RPAP2: variants seen among roughly 807,000 people sequenced by gnomAD.
RPAP2 encodes the protein putative RNA polymerase II subunit B1 CTD phosphatase RPAP2.
In RPAP2, 52 loss-of-function variants were observed where a neutral mutation model predicts 73.1. The ratio of observed to expected loss-of-function variants is 0.71; its 90% CI spans 0.57 to 0.90. The LOEUF is 0.90. Ranked by LOEUF, RPAP2 falls within the 40% of genes least tolerant of loss-of-function variation. The pLI, the probability that RPAP2 is intolerant of heterozygous loss-of-function variation, is 0.00. For synonymous variants in RPAP2, 225 were observed against 242.1 expected (o/e 0.93, Z 0.65); for missense variants, 598 against 701.8 (o/e 0.85, Z 1.67).
intron 11 of RPAP2, among the ~76,000 whole-genome samples, chr1:92,355,527 T>G (rs974459561): frequency 6.6e-6 from 1 of 152,212 alleles, no homozygotes. Context: ...TGTCCAAGTG[T>G]TATACTTTGT....
At chr1:92,349,460 TG>T (rs1654087620) in intron 11 of RPAP2, among the ~76,000 whole-genome samples, 1 of 152,170 alleles carries the variant, frequency 6.6e-6, no homozygotes, top group Non-Finnish European at 1.5e-5. Context: ...GTCTAACTCT[TG>T]TTAAAGGGGG....
chr1:92,385,173 CA>C (rs10708018), intron 12 of RPAP2, among the ~76,000 whole-genome samples: 97,313 of 123,002 alleles, frequency 0.79, 37,475 homozygotes, highest in East Asian at 0.98. Context: ...GACCCTGTCT[CA>C]AAAAAAAAAA....
intron 11 of RPAP2, among the ~76,000 whole-genome samples, chr1:92,370,402 T>G (rs2101417710): frequency 6.6e-6 from 1 of 152,218 alleles, no homozygotes; most frequent in Admixed American, 6.5e-5. Context: ...AGACTTGGAA[T>G]TAACTGAGAA....
intron 8 of RPAP2, among the ~76,000 whole-genome samples, chr1:92,331,767 T>G (rs1008756252): frequency 6.6e-6 from 1 of 152,168 alleles, no homozygotes; most frequent in Admixed American, 6.5e-5. Flanking sequence ...CTATCCCCAT[T>G]CTTCCATCTG....
chr1:92,356,788 C>T (rs938047369), intron 11 of RPAP2, among the ~76,000 whole-genome samples: 4 of 151,638 alleles, frequency 2.6e-5, no homozygotes, highest in Admixed American at 6.6e-5. Flanking sequence ...ATGGGCCAGG[C>T]GCAGTGGCTC....
In RPAP2 at chr1:92,323,555, A is replaced by C. The variant is rs1447738200; in HGVS notation, c.635A>C (p.His212Pro). ...KQYESSSSST[H>P]SDSSSDNEQD... ...TATGAATCTAGTTCTTCTAGCACTC[A>C]CAGTGATAGTAGCAGTGACAATGAG... Residue 212 changes from histidine (H) to proline (P), a missense_variant, in exon 8 of 13, where the codon CAC becomes CCC. His to Pro is a moderately conservative substitution (Grantham distance 77). This residue lies in a region of RPAP2 where 506 missense variants were observed against 612.8 expected (regional missense o/e 0.83). Transcript: ENST00000610020. 6.2e-7 allele frequency: 1 copy of C among 1,613,090 alleles called. No individual in the cohort carries two copies. Among genetic ancestry groups the C allele is most frequent in the Non-Finnish European group, 8.5e-7 (1 of 1,179,056 alleles).
chr1:92,352,731 T>C (rs1654279014), intron 11 of RPAP2, among the ~76,000 whole-genome samples: 1 of 152,222 alleles, frequency 6.6e-6, no homozygotes, highest in Non-Finnish European at 1.5e-5. Flanking sequence ...TTTTAAAATA[T>C]ACAAAATATA....
intron 11 of RPAP2, among the ~76,000 whole-genome samples, chr1:92,378,832 A>G (rs983376909): frequency 6.6e-6 from 1 of 152,166 alleles, no homozygotes; most frequent in African/African-American, 2.4e-5. Flanking sequence ...CTCAGTATGA[A>G]CTACCTTTGG....
chr1:92,377,786 T>C (rs1655453034), intron 11 of RPAP2, among the ~76,000 whole-genome samples: 1 of 152,222 alleles, frequency 6.6e-6, no homozygotes, highest in Admixed American at 6.5e-5. Context: ...TGTTTCCTCC[T>C]ACCTAAAGTT....
chr1:92,302,637 T>G (rs1261916827), intron 3 of RPAP2, among the ~76,000 whole-genome samples: 1 of 128,524 alleles, frequency 7.8e-6, no homozygotes, highest in Non-Finnish European at 1.6e-5. Context: ...AGCCTCACTC[T>G]GTCGCCCAGG....
At chr1:92,338,382 T>C (rs1653395530) in intron 10 of RPAP2, among the ~76,000 whole-genome samples, 1 of 152,364 alleles carries the variant, frequency 6.6e-6, no homozygotes, top group Middle Eastern at 3.4e-3. Context: ...TGAACTTGTC[T>C]GCATGCTGTG....
chr1:92,302,247 A>C (rs1225866120), intron 3 of RPAP2, among the ~76,000 whole-genome samples: 1 of 152,050 alleles, frequency 6.6e-6, no homozygotes. Flanking sequence ...ACTGCACTCC[A>C]GTCTGGGCAA....
At chr1:92,376,459 AAC>A (rs1435275706) in intron 11 of RPAP2, among the ~76,000 whole-genome samples, 3 of 152,200 alleles carry the variant, frequency 2.0e-5, no homozygotes, top group Admixed American at 6.5e-5. Flanking sequence ...ATTATGCAGC[AAC>A]AGTTAGGGGT....
At position 92,400,367 on chromosome 1, in the gene RPAP2, G is replaced by A. The variant is rs533690976; in HGVS notation, c.*13356G>A. ...GAGACAGGGTCTCACTGTCACCCAGGCTGGAGCACAGTGACAGTCATAGCT... is the reference window on the plus strand; with the variant it reads ...GAGACAGGGTCTCACTGTCACCCAGACTGGAGCACAGTGACAGTCATAGCT... On this transcript the variant is annotated 3_prime_UTR_variant, in exon 13 of 13. Coordinates refer to ENST00000610020, the MANE Select transcript of RPAP2 (RefSeq NM_024813.3). 1 of 152,864 alleles carries A rather than the reference G, an allele frequency of 6.5e-6. No individual in the cohort carries two copies. Among genetic ancestry groups the A allele is most frequent in the South Asian group, 2.1e-4 (1 of 4,820 alleles). 9.5% of individuals were successfully genotyped at this position (152,864 alleles called of 1,614,324 possible).
At chr1:92,320,898 A>G (rs1168597988) in intron 7 of RPAP2, among the ~76,000 whole-genome samples, 2 of 152,250 alleles carry the variant, frequency 1.3e-5, no homozygotes, top group Non-Finnish European at 2.9e-5. Flanking sequence ...ACATAAACAC[A>G]GCCTCCATCT....
At chr1:92,386,935 A>T (rs1655888732) in intron 12 of RPAP2, 76 bp from the exon 13 acceptor site, 1 of 1,301,698 alleles carries the variant, frequency 7.7e-7, no homozygotes, top group Non-Finnish European at 1.1e-6. Context: ...TTGGTCTCAA[A>T]CTCCTGACCT....
chr1:92,333,103 T>C (rs965028657), intron 8 of RPAP2: 1 of 322,844 alleles, frequency 3.1e-6, no homozygotes, highest in Non-Finnish European at 5.7e-6. Flanking sequence ...ACTTAGCAGT[T>C]TACAAAATCT....
At chr1:92,355,005 C>T (rs1179236875) in intron 11 of RPAP2, among the ~76,000 whole-genome samples, 4 of 151,648 alleles carry the variant, frequency 2.6e-5, no homozygotes, top group Middle Eastern at 3.5e-3. Flanking sequence ...CTCAAGCAAT[C>T]GTCCCACCTC....
chr1:92,328,961 C>G (rs1413907527), intron 8 of RPAP2, among the ~76,000 whole-genome samples: 2 of 152,168 alleles, frequency 1.3e-5, no homozygotes, highest in African/African-American at 4.8e-5. Context: ...CTGGCGGGTA[C>G]TAGGGAGTGT....
Sources: gnomAD v4.1 joint callset for allele counts (sites outside exome capture counted in the v4.1 genomes callset) on GRCh38, gnomAD v4.1.1 for gene constraint, gnomAD v4.1.1 regional missense constraint, MANE v1.5 for transcripts, NCBI Gene and HGNC (gene_info 2026-07-23, HGNC 2026-07-21) for gene names.